The following SAXO1 variants were observed in gnomAD, a reference collection of about 807,000 sequenced individuals.
The protein encoded by SAXO1 is 4930500O09Rik.
In SAXO1, 21 loss-of-function variants were observed where a neutral mutation model predicts 17.5. The ratio of observed to expected loss-of-function variants is 1.20; its 90% CI spans 0.85 to 1.72. The LOEUF (loss-of-function observed/expected upper bound fraction) is 1.72. Among genes scored for constraint, SAXO1 ranks in the 40% most tolerant of loss-of-function variants. The pLI, the probability that SAXO1 is intolerant of heterozygous loss-of-function variation, is 0.00. For synonymous variants in SAXO1, 274 were observed against 216.5 expected (o/e 1.27, Z -2.33); for missense variants, 843 against 596.0 (o/e 1.41, Z -4.32).
At chr9:19,037,098 T>C (rs1340325667), upstream of SAXO1, among the ~76,000 whole-genome samples, 2 of 152,188 alleles carry the variant, frequency 1.3e-5, no homozygotes, top group Non-Finnish European at 2.9e-5. Flanking sequence ...CTGTAACCCC[T>C]TTGTTTTGCC....
chr9:18,928,287 C>T lies in SAXO1; in HGVS notation c.1190G>A (p.Arg397Gln), dbSNP rs1363620779. The change falls in exon 4 of 4, where the codon CGA becomes CAA. Residue 397 changes from arginine to glutamine, a missense_variant. Arg to Gln is a conservative substitution (Grantham distance 43). Transcript: ENST00000380534. Reference protein sequence around the residue: ...KSCKPHWSGPRGNVPVESQTT... With the variant: ...KSCKPHWSGPQGNVPVESQTT... ...CTGGCTTTCCACAGGGACATTTCCT[C>T]GAGGGCCAGACCAATGAGGCTTACA... 11 of 1,612,402 alleles carry T rather than the reference C, an allele frequency of 6.8e-6. No homozygotes were observed. The highest frequency in any genetic ancestry group is 1.7e-4 in the Middle Eastern group (1 of 6,056).
intron 1 of SAXO1, among the ~76,000 whole-genome samples, chr9:19,039,136 A>C (rs1836015537): frequency 6.6e-6 from 1 of 152,118 alleles, no homozygotes; most frequent in Non-Finnish European, 1.5e-5. Context: ...CCCTGCCTCA[A>C]AAGAAAAAAA....
intron 1 of SAXO1, among the ~76,000 whole-genome samples, chr9:19,018,523 C>T (rs59273023): frequency 0.012 from 1,771 of 152,320 alleles, 36 homozygotes; most frequent in African/African-American, 0.04. Context: ...AGTCAATACA[C>T]GCTGTTGGAA....
At chr9:19,037,955 A>G (rs139083746), upstream of SAXO1, among the ~76,000 whole-genome samples, 686 of 152,316 alleles carry the variant, frequency 4.5e-3, 2 homozygotes, top group African/African-American at 0.016. Flanking sequence ...AAGCTTTTCC[A>G]CCCAATGAAA....
intron 1 of SAXO1, among the ~76,000 whole-genome samples, chr9:18,989,078 A>T (rs2131837113): frequency 6.6e-6 from 1 of 152,294 alleles, no homozygotes; most frequent in South Asian, 2.1e-4. Context: ...AATGAGTTAT[A>T]TTGGTCAAAA....
intron 1 of SAXO1, among the ~76,000 whole-genome samples, chr9:19,030,829 A>G (rs1488478963): frequency 6.6e-6 from 1 of 152,238 alleles, no homozygotes; most frequent in Non-Finnish European, 1.5e-5. Flanking sequence ...GGCAGATACC[A>G]GAATAATGTT....
chr9:19,013,267 G>A (rs769617535), intron 1 of SAXO1, among the ~76,000 whole-genome samples: 1 of 152,212 alleles, frequency 6.6e-6, no homozygotes, highest in Non-Finnish European at 1.5e-5. Context: ...ATGCAGGTGG[G>A]TGCCTAAAGA....
chr9:18,986,941 T>A (rs1370197382), intron 1 of SAXO1, among the ~76,000 whole-genome samples: 1 of 152,208 alleles, frequency 6.6e-6, no homozygotes, highest in Non-Finnish European at 1.5e-5. Context: ...CGTTTCTAAT[T>A]TGCATAAAGA....
chr9:19,027,881 C>A (rs1835568647), intron 1 of SAXO1: 1 of 1,372,624 alleles, frequency 7.3e-7, no homozygotes, highest in Non-Finnish European at 1.0e-6. Context: ...CGGCCTGGAC[C>A]GCAAGATCGA....
chr9:18,952,001 G>A (rs1172061466), intron 1 of SAXO1, among the ~76,000 whole-genome samples: 1 of 152,180 alleles, frequency 6.6e-6, no homozygotes, highest in Non-Finnish European at 1.5e-5. Flanking sequence ...ATGATAAATA[G>A]TATTTAGCAG....
chr9:18,992,156 A>G (rs1294018414), intron 1 of SAXO1, among the ~76,000 whole-genome samples: 1 of 152,182 alleles, frequency 6.6e-6, no homozygotes, highest in African/African-American at 2.4e-5. Context: ...ACTACATATC[A>G]CTTTCCTGGG....
Position 18,941,748 on chromosome 9 carries a change from T to C in SAXO1, c.310A>G (p.Thr104Ala), listed in dbSNP as rs769718845. The part of the protein sequence containing the change: ...PSEENMDLLT[T>A]YKKDYNPYPV... ...TAGGGATTGTAATCTTTCTTATACG[T>C]CGTGAGCAAATCCATATTCTCTTCA... Residue 104 changes from threonine to alanine, a missense_variant, in exon 3 of 4, where the codon ACG (threonine) becomes GCG (alanine). Coordinates refer to ENST00000380534, the MANE Select transcript of SAXO1 (RefSeq NM_153707.4). 2 of 1,614,196 alleles carry C rather than the reference T, an allele frequency of 1.2e-6. No homozygotes were observed. Among genetic ancestry groups the C allele is most frequent in the East Asian group, 2.2e-5 (1 of 44,884 alleles).
intron 2 of SAXO1, among the ~76,000 whole-genome samples, chr9:18,943,081 T>C (rs1032774542): frequency 1.3e-5 from 2 of 152,226 alleles, no homozygotes; most frequent in Admixed American, 6.5e-5. Context: ...CACGCTCCAC[T>C]GTAACCTGTC....
At chr9:18,952,331 G>T (rs1453469781) in intron 1 of SAXO1, among the ~76,000 whole-genome samples, 2 of 152,162 alleles carry the variant, frequency 1.3e-5, no homozygotes, top group African/African-American at 4.8e-5. Context: ...AATACTTTGG[G>T]GAAGTACATG....
At chr9:19,024,012 C>CTT (rs71333077) in intron 1 of SAXO1, among the ~76,000 whole-genome samples, 1,980 of 38,188 alleles carry the variant, frequency 0.052, 349 homozygotes, top group African/African-American at 0.089. Flanking sequence ...CTCTTTAAGG[C>CTT]TTTTTTTTTT....
chr9:18,973,447 A>G (rs1156331297), intron 1 of SAXO1, among the ~76,000 whole-genome samples: 1 of 152,212 alleles, frequency 6.6e-6, no homozygotes, highest in African/African-American at 2.4e-5. Flanking sequence ...GGTAGATAGG[A>G]ATGATTTTCT....
intron 2 of SAXO1, among the ~76,000 whole-genome samples, chr9:18,948,584 A>G (rs986158362): frequency 6.6e-6 from 1 of 152,160 alleles, no homozygotes; most frequent in Non-Finnish European, 1.5e-5. Flanking sequence ...CAAGGCAAGG[A>G]TAATTTAGGA....
intron 1 of SAXO1, among the ~76,000 whole-genome samples, chr9:19,028,434 G>A (rs1835608948): frequency 6.6e-6 from 1 of 152,156 alleles, no homozygotes. Context: ...AGGAAATGCT[G>A]GAGATAATCA....
At chr9:19,021,903 G>C (rs1835249829) in intron 1 of SAXO1, among the ~76,000 whole-genome samples, 1 of 145,258 alleles carries the variant, frequency 6.9e-6, no homozygotes, top group African/African-American at 2.5e-5. Context: ...CCAATCAGAA[G>C]GATGTGGGCA....
Sources: allele counts gnomAD v4.1 joint callset (sites outside exome capture counted in the v4.1 genomes callset), GRCh38; gene constraint gnomAD v4.1.1; transcripts MANE v1.5; gene names NCBI Gene and HGNC (gene_info 2026-07-23, HGNC 2026-07-21).